The following ANK2 variants were observed in gnomAD, a reference collection of about 807,000 sequenced individuals.
The protein encoded by ANK2 is ankyrin 2.
In ANK2, 83 loss-of-function variants were observed where a neutral mutation model predicts 360.5. The ratio of observed to expected loss-of-function variants is 0.23; its 90% confidence interval spans 0.19 to 0.28. ANK2 has a LOEUF of 0.28. ANK2 is among the 10% of genes least tolerant of loss of function. The pLI is 1.00. For missense variants in ANK2, 4,201 were observed against 4,795.7 expected, an observed-to-expected ratio of 0.88 and a Z score of 3.66; for synonymous variants, 1,740 against 1,759.5, an observed-to-expected ratio of 0.99 and a Z score of 0.28.
At chr4:113,283,860 G>A (rs2063360716) in intron 18 of ANK2, among the ~76,000 whole-genome samples, 1 of 152,102 alleles carries the variant, frequency 6.6e-6, no homozygotes, top group Non-Finnish European at 1.5e-5. Flanking sequence ...ACATTTCATT[G>A]TTAGTTGGTA....
chr4:113,101,455 G>A (rs1322542444), intron 1 of ANK2, among the ~76,000 whole-genome samples: 2 of 152,114 alleles, frequency 1.3e-5, no homozygotes, highest in East Asian at 1.9e-4. Flanking sequence ...CATTAGTGGT[G>A]TTAACTGGAC....
rs76326075 is a variant in ANK2, at chr4:112,868,018, C to T, written c.-39-36437C>T. On this transcript the variant is annotated intron_variant, in intron 1 of 30. Coordinates refer to the ANK2 transcript ENST00000503271. The stretch of plus-strand genomic sequence containing the variant: ...AGGCTATACCATTTTACATTTCCAT[C>T]AGCATAATATGAGGGCTCTAATTTC... 6.3e-4 allele frequency among the ~76,000 whole-genome samples: 96 copies of T among 152,276 alleles called. 3 individuals carry two copies. In the East Asian group the frequency reaches 0.015, roughly 24 times the overall value.
intron 1 of ANK2, among the ~76,000 whole-genome samples, chr4:113,171,759 G>T (rs2097962089): frequency 6.6e-6 from 1 of 152,178 alleles, no homozygotes; most frequent in African/African-American, 2.4e-5. Flanking sequence ...GAGAAAACCA[G>T]TTATGAAAAC....
intron 1 of ANK2, among the ~76,000 whole-genome samples, chr4:112,837,919 T>G (rs1027295766): frequency 6.6e-6 from 1 of 152,164 alleles, no homozygotes; most frequent in Non-Finnish European, 1.5e-5. Context: ...CACTTAGACT[T>G]TTGAGTTAAT....
the ANK2 span, among the ~76,000 whole-genome samples, chr4:112,729,747 C>CAAAA: frequency 1.4e-5 from 1 of 70,352 alleles, no homozygotes; most frequent in African/African-American, 5.0e-5. Flanking sequence ...GACTCTGTCT[C>CAAAA]AAAAAAAAAA....
intron 2 of ANK2, among the ~76,000 whole-genome samples, chr4:112,956,687 T>G (rs2095344792): frequency 6.6e-6 from 1 of 152,214 alleles, no homozygotes; most frequent in Admixed American, 6.5e-5. Context: ...CCACTTAATG[T>G]TTTCAGAACT....
At chr4:113,133,578 A>T (rs1242369447) in intron 1 of ANK2, among the ~76,000 whole-genome samples, 1 of 152,170 alleles carries the variant, frequency 6.6e-6, no homozygotes, top group East Asian at 1.9e-4. Flanking sequence ...GATTTGTAGT[A>T]TTTTTAACTT....
intron 41 of ANK2, 98 bp downstream of exon 41, chr4:113,365,280 T>A: frequency 7.3e-7 from 1 of 1,371,642 alleles, no homozygotes; most frequent in Non-Finnish European, 1.0e-6. Flanking sequence ...TGTCTTTTTT[T>A]TTTTTCAGAA....
chr4:113,070,173 C>A (rs182418059), intron 1 of ANK2: 167 of 152,290 alleles, frequency 1.1e-3, no homozygotes, highest in African/African-American at 3.9e-3. Context: ...GAGGTTACAT[C>A]TTATATTCTC....
At chr4:113,029,027 T>C (rs910208509) in intron 2 of ANK2, among the ~76,000 whole-genome samples, 1 of 152,084 alleles carries the variant, frequency 6.6e-6, no homozygotes, top group African/African-American at 2.4e-5. Flanking sequence ...TCTAAAGACC[T>C]GATCATATCT....
the ANK2 span, among the ~76,000 whole-genome samples, chr4:112,764,991 C>A: frequency 6.6e-6 from 1 of 152,190 alleles, no homozygotes; most frequent in Non-Finnish European, 1.5e-5. Context: ...CAGGCGTGAG[C>A]CACCGTGCCC....
At chr4:113,235,866 C>T (rs561521776) in intron 5 of ANK2, among the ~76,000 whole-genome samples, 4 of 152,222 alleles carry the variant, frequency 2.6e-5, no homozygotes, top group South Asian at 4.1e-4. Flanking sequence ...CTCAGCCTCC[C>T]GAGTAGCTGG....
At chr4:112,869,262 T>C (rs994353444) in intron 1 of ANK2, among the ~76,000 whole-genome samples, 2 of 149,680 alleles carry the variant, frequency 1.3e-5, no homozygotes, top group Non-Finnish European at 3.0e-5. Context: ...GCCACCACAC[T>C]TGGGCTCAAT....
chr4:112,938,989 A>G (rs1165108347), intron 2 of ANK2, among the ~76,000 whole-genome samples: 2 of 152,248 alleles, frequency 1.3e-5, no homozygotes, highest in East Asian at 3.8e-4. Flanking sequence ...AAGATTATTT[A>G]CATTTTTCCT....
At chr4:113,180,816 G>A (rs1287296463) in intron 2 of ANK2, among the ~76,000 whole-genome samples, 1 of 152,110 alleles carries the variant, frequency 6.6e-6, no homozygotes, top group African/African-American at 2.4e-5. Context: ...AAATATATAT[G>A]CAAAAATATA....
chr4:112,961,042 TA>T (rs2034535254), intron 2 of ANK2, among the ~76,000 whole-genome samples: 1 of 151,650 alleles, frequency 6.6e-6, no homozygotes. Flanking sequence ...TTAGTTTTTG[TA>T]AACTATCTAA....
intron 2 of ANK2, among the ~76,000 whole-genome samples, chr4:112,988,830 C>CTTTTTTTTTTTCTTTTTT (rs2045794586): frequency 6.6e-6 from 1 of 151,744 alleles, no homozygotes; most frequent in African/African-American, 2.4e-5. Flanking sequence ...AGTTTAGAGT[C>CTTTTTTTTTTTCTTTTTT]TTTATTCTAC....
chr4:112,782,668 A>G, the ANK2 span, among the ~76,000 whole-genome samples: 1 of 152,022 alleles, frequency 6.6e-6, no homozygotes, highest in South Asian at 2.1e-4. Context: ...GGAGTTTGAG[A>G]TCAGTCTGGC....
chr4:113,248,573 G>A (rs1379284357), intron 9 of ANK2, among the ~76,000 whole-genome samples: 3 of 152,078 alleles, frequency 2.0e-5, no homozygotes, highest in Non-Finnish European at 4.4e-5. Context: ...GAGCAGGGAG[G>A]AGAAGGGTAG....
Sources: allele counts gnomAD v4.1 joint callset (sites outside exome capture counted in the v4.1 genomes callset), GRCh38; gene constraint gnomAD v4.1.1; transcripts MANE v1.5; gene names NCBI Gene and HGNC (gene_info 2026-07-23, HGNC 2026-07-21).